DTNB: variants seen among roughly 807,000 people sequenced by gnomAD.
DTNB encodes the protein DTN-B.
Under a neutral mutation model 90.7 loss-of-function variants are expected in DTNB, and 63 were observed. The ratio of observed to expected loss-of-function variants is 0.69; its 90% CI spans 0.57 to 0.86. The LOEUF is 0.86. Ranked by LOEUF, DTNB falls within the 40% of genes least tolerant of loss-of-function variation. DTNB has a pLI of 0.00. For synonymous variants in DTNB, 277 were observed against 286.7 expected, an observed-to-expected ratio of 0.97 and a Z score of 0.34; for missense variants, 744 against 807.1, an observed-to-expected ratio of 0.92 and a Z score of 0.95.
intron 10 of DTNB, among the ~76,000 whole-genome samples, chr2:25,478,517 CTCT>C (rs745377535): frequency 5.4e-4 from 82 of 152,056 alleles, no homozygotes; most frequent in East Asian, 4.8e-3. Context: ...GGATCTCTCT[CTCT>C]TCTTCTTCTT....
At chr2:25,429,949 A>G (rs1399487323) in intron 14 of DTNB, among the ~76,000 whole-genome samples, 2 of 152,138 alleles carry the variant, frequency 1.3e-5, no homozygotes, top group East Asian at 3.9e-4. Flanking sequence ...AATCATGCTG[A>G]ACCCCAAGTG....
intron 12 of DTNB, among the ~76,000 whole-genome samples, chr2:25,448,522 G>A (rs1389101686): frequency 2.0e-5 from 3 of 152,154 alleles, no homozygotes; most frequent in Admixed American, 2.0e-4. Flanking sequence ...AACATTCTTG[G>A]TTCCTTTTTG....
At chr2:25,550,871 A>C (rs1235480433) in intron 8 of DTNB, among the ~76,000 whole-genome samples, 2 of 152,118 alleles carry the variant, frequency 1.3e-5, no homozygotes, top group African/African-American at 4.8e-5. Context: ...GCTGGTCTCA[A>C]ACTCCTGAAT....
chr2:25,649,739 T>C (rs2080436509), intron 2 of DTNB: 1 of 152,516 alleles, frequency 6.6e-6, no homozygotes, highest in Admixed American at 6.5e-5. Flanking sequence ...AAAAAAATTG[T>C]ATAGTTACCT....
At chr2:25,615,048 C>T (rs12477988) in intron 4 of DTNB, among the ~76,000 whole-genome samples, 24,906 of 152,140 alleles carry the variant, frequency 0.16, 2,604 homozygotes, top group East Asian at 0.57. Flanking sequence ...TATAAAATTG[C>T]GGTTCCCATG....
chr2:25,379,165 T>C (rs754037964), intron 20 of DTNB, 125 bp downstream of exon 20: 3 of 923,824 alleles, frequency 3.2e-6, no homozygotes, highest in Non-Finnish European at 2.9e-6. Flanking sequence ...ACAGTTGGGC[T>C]CTTGCATCTT....
At chr2:25,590,769 G>A (rs902622894) in intron 6 of DTNB, among the ~76,000 whole-genome samples, 3 of 152,216 alleles carry the variant, frequency 2.0e-5, no homozygotes, top group Admixed American at 1.3e-4. Flanking sequence ...AGCACCACAA[G>A]TTCCCACTCC....
At position 25,616,251 on chromosome 2, in the gene DTNB, C is replaced by T. The variant is rs190139954; in HGVS notation, c.363-8930G>A. On this transcript the variant is annotated intron_variant, in intron 4 of 20. Transcript: ENST00000406818. ...ACTCTTCCTGAGAAGAGACTTACCT[C>T]ATTAATACCCATCCATAAACATTAC... Among the ~76,000 whole-genome samples, 100 of 152,318 alleles carry T rather than the reference C, an allele frequency of 6.6e-4. 3 individuals are homozygous for T. The highest frequency in any genetic ancestry group is 1.6e-4 in the Non-Finnish European group (11 of 68,024).
At chr2:25,392,711 G>A (rs1042099591) in intron 16 of DTNB, among the ~76,000 whole-genome samples, 9 of 152,102 alleles carry the variant, frequency 5.9e-5, no homozygotes, top group Non-Finnish European at 8.8e-5. Context: ...CAGAATATCT[G>A]AATAGACCAA....
intron 9 of DTNB, among the ~76,000 whole-genome samples, chr2:25,487,051 T>C (rs953791223): frequency 1.4e-4 from 22 of 152,298 alleles, no homozygotes; most frequent in African/African-American, 5.3e-4. Flanking sequence ...TGGTAGTCAG[T>C]AGAGGTAGTT....
intron 16 of DTNB, among the ~76,000 whole-genome samples, chr2:25,405,194 C>T (rs149191283): frequency 0.016 from 2,435 of 152,226 alleles, 28 homozygotes; most frequent in Non-Finnish European, 0.026. Context: ...TCTCAAAGTG[C>T]TGGGATTATA....
At chr2:25,420,394 T>C (rs2049153270) in intron 15 of DTNB, among the ~76,000 whole-genome samples, 1 of 111,774 alleles carries the variant, frequency 8.9e-6, no homozygotes, top group Non-Finnish European at 2.3e-5. Flanking sequence ...TTTCATTAAT[T>C]CAATACAGGT....
chr2:25,643,933 A>C (rs1043998912), intron 2 of DTNB, among the ~76,000 whole-genome samples: 2 of 152,184 alleles, frequency 1.3e-5, no homozygotes, highest in Non-Finnish European at 2.9e-5. Context: ...TGCAGTAAAG[A>C]AGCCACCTAA....
chr2:25,592,750 T>C (rs1330033286), intron 6 of DTNB, among the ~76,000 whole-genome samples: 1 of 152,270 alleles, frequency 6.6e-6, no homozygotes, highest in East Asian at 1.9e-4. Flanking sequence ...AGTACAACAC[T>C]GTGGACTTAA....
In DTNB at chr2:25,438,480, C is replaced by T. The variant is rs532124328; in HGVS notation, c.1258-4485G>A. Among the ~76,000 whole-genome samples, 48 of 152,226 alleles carry T rather than the reference C, an allele frequency of 3.2e-4. 1 individual carries two copies. The highest frequency in any genetic ancestry group is 9.9e-4 in the African/African-American group (41 of 41,526). On this transcript the variant is annotated intron_variant, in intron 12 of 20. Transcript: ENST00000406818. ...GAGCCATGGAGAGGAGTTTCCATTT[C>T]ATTCTGAATGTGGTGTGAAGCCACT...
chr2:25,575,256 C>A (rs1184988765), intron 8 of DTNB, among the ~76,000 whole-genome samples: 32 of 149,492 alleles, frequency 2.1e-4, no homozygotes, highest in South Asian at 6.4e-4. Flanking sequence ...AAAAAAAAAA[C>A]CAGTGGAAAA....
At chr2:25,514,767 T>C (rs2074721947) in intron 9 of DTNB, among the ~76,000 whole-genome samples, 1 of 133,824 alleles carries the variant, frequency 7.5e-6, no homozygotes, top group Non-Finnish European at 1.5e-5. Flanking sequence ...TACTGAAACC[T>C]CCACCTCCCG....
chr2:25,632,670 G>C (rs2076029192), intron 3 of DTNB, among the ~76,000 whole-genome samples: 1 of 152,194 alleles, frequency 6.6e-6, no homozygotes, highest in Admixed American at 6.5e-5. Flanking sequence ...ACTCTGCAGA[G>C]AGTCCCCAGC....
intron 16 of DTNB, among the ~76,000 whole-genome samples, chr2:25,407,730 A>G (rs1403459806): frequency 6.6e-6 from 1 of 152,194 alleles, no homozygotes; most frequent in Non-Finnish European, 1.5e-5. Flanking sequence ...ATGAGTATGT[A>G]AAAACACACA....
Sources: allele counts gnomAD v4.1 joint callset (sites outside exome capture counted in the v4.1 genomes callset), GRCh38; gene constraint gnomAD v4.1.1; transcripts MANE v1.5; gene names NCBI Gene and HGNC (gene_info 2026-07-23, HGNC 2026-07-21).